Variants in STXBP5L observed in about 807,000 individuals in gnomAD.
STXBP5L encodes syntaxin-binding protein 5-like.
A neutral mutation model predicts 144.5 loss-of-function variants in STXBP5L; 65 were observed. That is an observed-to-expected ratio of 0.45 (90% CI 0.37 to 0.55). The LOEUF (loss-of-function observed/expected upper bound fraction) is 0.55, where lower values mean the gene tolerates loss of function less well. Among genes scored for constraint, STXBP5L ranks in the 20% least tolerant of loss-of-function variants. STXBP5L has a pLI of 0.00. For synonymous variants in STXBP5L, 505 were observed against 469.6 expected (o/e 1.08, Z -0.97); for missense variants, 1,298 against 1,405.5 (o/e 0.92, Z 1.22).
intron 3 of STXBP5L, among the ~76,000 whole-genome samples, chr3:121,001,527 C>A (rs571859188): frequency 2.2e-4 from 34 of 152,254 alleles, no homozygotes; most frequent in Non-Finnish European, 4.4e-4. Flanking sequence ...CACGTCAAAC[C>A]CTCTGGGCTT....
rs565080174 is a variant in STXBP5L at position 121,072,169 on chromosome 3, G to T, written c.470+26634G>T. Among the ~76,000 whole-genome samples, 4 of 152,328 alleles carry T rather than the reference G, an allele frequency of 2.6e-5. No homozygotes were observed. The South Asian group carries it at 6.2e-4, about 24-fold the overall frequency. On this transcript the variant is annotated intron_variant, in intron 5 of 26. Coordinates refer to ENST00000471454, the MANE Select transcript of STXBP5L (RefSeq NM_001308330.2). ...AATAATGTCCTTTAGTAAGATTCTGGTTACTTCCTGAGCTTTCTCTTTCCT... is the reference window on the plus strand; with the variant it reads ...AATAATGTCCTTTAGTAAGATTCTGTTTACTTCCTGAGCTTTCTCTTTCCT...
chr3:121,042,038 A>G (rs1036585945), intron 4 of STXBP5L, among the ~76,000 whole-genome samples: 2 of 152,128 alleles, frequency 1.3e-5, no homozygotes, highest in Non-Finnish European at 2.9e-5. Flanking sequence ...TTAAATTAAG[A>G]AAAAATCCTA....
At chr3:121,198,129 C>T (rs372182637) in intron 9 of STXBP5L, among the ~76,000 whole-genome samples, 11 of 149,262 alleles carry the variant, frequency 7.4e-5, no homozygotes, top group African/African-American at 2.3e-4. Context: ...AAAAGCATTT[C>T]TATTTATTCA....
intron 9 of STXBP5L, among the ~76,000 whole-genome samples, chr3:121,185,005 G>A (rs1041493026): frequency 3.3e-5 from 5 of 152,110 alleles, no homozygotes; most frequent in East Asian, 1.9e-4. Context: ...TTACAGACAA[G>A]CAAATGCTGA....
At chr3:121,002,300 T>A (rs1049944563) in intron 3 of STXBP5L, among the ~76,000 whole-genome samples, 2 of 152,226 alleles carry the variant, frequency 1.3e-5, no homozygotes, top group African/African-American at 4.8e-5. Flanking sequence ...CCCTGATGAT[T>A]AGTAATGTTG....
At chr3:121,007,162 T>A (rs991925604) in intron 3 of STXBP5L, among the ~76,000 whole-genome samples, 6 of 152,160 alleles carry the variant, frequency 3.9e-5, no homozygotes, top group Admixed American at 6.6e-5. Context: ...TTTACATTTT[T>A]AAATTCTACT....
chr3:121,258,370 T>G (rs1168519915), intron 17 of STXBP5L, among the ~76,000 whole-genome samples: 1 of 152,200 alleles, frequency 6.6e-6, no homozygotes, highest in African/African-American at 2.4e-5. Flanking sequence ...AATTTAGAGA[T>G]AAGATTTTAG....
intron 5 of STXBP5L, among the ~76,000 whole-genome samples, chr3:121,089,579 G>T (rs1047695261): frequency 1.3e-5 from 2 of 151,164 alleles, no homozygotes; most frequent in South Asian, 4.2e-4. Flanking sequence ...GCTGTGATTT[G>T]TCTGACTGTT....
At chr3:121,233,190 T>C (rs2049362473) in intron 11 of STXBP5L, among the ~76,000 whole-genome samples, 1 of 152,218 alleles carries the variant, frequency 6.6e-6, no homozygotes, top group African/African-American at 2.4e-5. Context: ...GTTGCTCTTA[T>C]ACAGATGTGA....
chr3:121,022,711 G>A lies in STXBP5L; in HGVS notation c.288-18989G>A, dbSNP rs534722422. ...AAGGCATTTGACAAAATCCAGCACCGCTTTATGATTAAAACCCTCAGTAAA... is the reference window on the plus strand; with the variant it reads ...AAGGCATTTGACAAAATCCAGCACCACTTTATGATTAAAACCCTCAGTAAA... On this transcript the variant is annotated intron_variant, in intron 3 of 26. Transcript: ENST00000471454. Among the ~76,000 whole-genome samples the A allele has an allele frequency of 1.1e-4, 16 of 152,134 alleles. No homozygotes were observed. In the East Asian group the frequency reaches 1.2e-3, roughly 11 times the overall value.
At chr3:121,074,878 A>G (rs1399721133) in intron 5 of STXBP5L, among the ~76,000 whole-genome samples, 1 of 152,170 alleles carries the variant, frequency 6.6e-6, no homozygotes, top group Non-Finnish European at 1.5e-5. Flanking sequence ...GCTGTCCTCC[A>G]ATCACACATC....
At chr3:121,026,618 A>G (rs549376636) in intron 3 of STXBP5L, among the ~76,000 whole-genome samples, 1 of 152,184 alleles carries the variant, frequency 6.6e-6, no homozygotes, top group East Asian at 1.9e-4. Flanking sequence ...TGGATGACAA[A>G]GTTTGATGAA....
intron 19 of STXBP5L, among the ~76,000 whole-genome samples, chr3:121,302,847 G>GA (rs1389827831): frequency 6.6e-6 from 1 of 152,106 alleles, no homozygotes; most frequent in East Asian, 1.9e-4. Flanking sequence ...GCTGAAACTG[G>GA]ATCCCTTCCT....
At chr3:120,997,672 A>G (rs529428299) in intron 3 of STXBP5L, among the ~76,000 whole-genome samples, 17 of 152,204 alleles carry the variant, frequency 1.1e-4, no homozygotes, top group Non-Finnish European at 1.9e-4. Context: ...TAGTCTGGAT[A>G]TTAGACCTTT....
intron 2 of STXBP5L, among the ~76,000 whole-genome samples, chr3:120,930,898 G>T (rs1709897402): frequency 6.6e-6 from 1 of 152,096 alleles, no homozygotes; most frequent in African/African-American, 2.4e-5. Flanking sequence ...AATGTACTAG[G>T]ATTTATAACT....
intron 9 of STXBP5L, among the ~76,000 whole-genome samples, chr3:121,163,810 A>T (rs2046406184): frequency 6.6e-6 from 1 of 151,998 alleles, no homozygotes; most frequent in African/African-American, 2.4e-5. Flanking sequence ...GATGGTAAGC[A>T]TGAGAATAAG....
At chr3:121,036,828 G>T (rs890715898) in intron 3 of STXBP5L, among the ~76,000 whole-genome samples, 7 of 112,756 alleles carry the variant, frequency 6.2e-5, no homozygotes, top group African/African-American at 1.6e-4. Flanking sequence ...TGTGCACATT[G>T]TGCAGGTTAG....
intron 3 of STXBP5L, among the ~76,000 whole-genome samples, chr3:120,980,876 A>G (rs9809411): frequency 0.099 from 15,121 of 152,110 alleles, 1,184 homozygotes; most frequent in Admixed American, 0.2. Flanking sequence ...TCCATTGAAA[A>G]TTTCTTGTAT....
chr3:121,404,048 C>T (rs1029359894), intron 22 of STXBP5L, among the ~76,000 whole-genome samples: 10 of 152,104 alleles, frequency 6.6e-5, no homozygotes, highest in Non-Finnish European at 1.5e-5. Flanking sequence ...TGGACCTCTC[C>T]ACAAATTCCT....
Sources: allele counts gnomAD v4.1 joint callset (sites outside exome capture counted in the v4.1 genomes callset), GRCh38; gene constraint gnomAD v4.1.1; transcripts MANE v1.5; gene names NCBI Gene and HGNC (gene_info 2026-07-23, HGNC 2026-07-21).